The following ZNF185 variants were observed in gnomAD, a reference collection of about 807,000 sequenced individuals.
ZNF185 encodes zinc finger protein 185 with LIM domain.
ZNF185 carries 56 observed loss-of-function variants against 58.6 expected under a neutral mutation model. That is an observed-to-expected ratio of 0.95 (90% CI 0.77 to 1.19). ZNF185 has a LOEUF of 1.19. ZNF185 is among the 50% of genes most tolerant of loss of function. ZNF185 has a pLI of 0.00. For synonymous variants in ZNF185, 230 were observed against 215.9 expected (o/e 1.07, Z -0.57); for missense variants, 627 against 573.5 (o/e 1.09, Z -0.95).
the ZNF185 span, among the ~76,000 whole-genome samples, chrX:152,898,302 G>A: frequency 3.6e-5 from 4 of 112,573 alleles, no homozygotes; most frequent in East Asian, 1.1e-3. Flanking sequence ...CACCCAGTCC[G>A]TGCCCAGCTG....
chrX:152,904,672 G>A, the ZNF185 span, among the ~76,000 whole-genome samples: 1 of 112,108 alleles, frequency 8.9e-6, no homozygotes, highest in Non-Finnish European at 1.9e-5. Flanking sequence ...GGGTGGAGGT[G>A]GTGCTTCCTG....
chrX:152,934,308 G>A (rs999343673), intron 14 of ZNF185, among the ~76,000 whole-genome samples: 28 of 111,895 alleles, frequency 2.5e-4, no homozygotes, highest in Non-Finnish European at 1.9e-5. Context: ...GATGGCTGTC[G>A]CGGAAGAGAC....
chrX:152,900,266 G>A, the ZNF185 span, among the ~76,000 whole-genome samples: 477 of 112,705 alleles, frequency 4.2e-3, 2 homozygotes, highest in African/African-American at 0.015. Context: ...ACTGTCTTCA[G>A]TTGCATGCCA....
At chrX:152,945,309 C>T (rs782792023) in exon 16 of ZNF185, 53 of 1,208,145 alleles carry the variant, frequency 4.4e-5, no homozygotes, top group Middle Eastern at 2.3e-4. Context: ...CCACCAGGGT[C>T]GGAGAGGCCT....
chrX:152,898,127 G>GCCCCGCGCCCCGCT, the ZNF185 span, among the ~76,000 whole-genome samples: 1 of 109,298 alleles, frequency 9.1e-6, no homozygotes, highest in Non-Finnish European at 1.9e-5. Flanking sequence ...CGCGCCCCGC[G>GCCCCGCGCCCCGCT]CCTGCCTCCC....
intron 18 of ZNF185, among the ~76,000 whole-genome samples, chrX:152,964,436 C>T (rs1392739136): frequency 8.9e-6 from 1 of 112,351 alleles, no homozygotes; most frequent in Non-Finnish European, 1.9e-5. Flanking sequence ...TGGTGGAAGC[C>T]GAAGTGGGAG....
At chrX:152,965,200 G>C (rs782469852) in intron 18 of ZNF185, among the ~76,000 whole-genome samples, 1 of 112,469 alleles carries the variant, frequency 8.9e-6, no homozygotes, top group African/African-American at 3.2e-5. Context: ...ACAGCACATT[G>C]TCATTGGTTG....
exon 23 of ZNF185, chrX:152,973,063 A>C (rs1031090933): frequency 9.0e-6 from 1 of 111,446 alleles, no homozygotes; most frequent in Non-Finnish European, 1.9e-5. Context: ...GTAGTCCCCA[A>C]CATCAGACTT....
At chrX:152,973,088 A>G (rs2050740633) in exon 23 of ZNF185, 2 of 111,638 alleles carry the variant, frequency 1.8e-5, no homozygotes, top group Non-Finnish European at 3.8e-5. Flanking sequence ...CGTGGTGGAC[A>G]CTAACACACA....
intron 16 of ZNF185, among the ~76,000 whole-genome samples, chrX:152,951,583 C>T (rs868991390): frequency 1.8e-5 from 2 of 111,050 alleles, no homozygotes; most frequent in Non-Finnish European, 3.8e-5. Flanking sequence ...TATATATACA[C>T]ACACACTTAT....
chrX:152,898,609 C>T, the ZNF185 span, among the ~76,000 whole-genome samples: 1 of 112,412 alleles, frequency 8.9e-6, no homozygotes, highest in Non-Finnish European at 1.9e-5. Context: ...TCCCTCCGTC[C>T]CCCTGTGCCC....
chrX:152,920,975 CTAA>C (rs1939589466), intron 9 of ZNF185, among the ~76,000 whole-genome samples: 1 of 112,746 alleles, frequency 8.9e-6, no homozygotes, highest in South Asian at 3.6e-4. Flanking sequence ...TTGCCAATGG[CTAA>C]TGGGGCTGGG....
upstream of ZNF185, among the ~76,000 whole-genome samples, chrX:152,912,972 C>T (rs952698877): frequency 3.5e-5 from 4 of 113,078 alleles, no homozygotes; most frequent in African/African-American, 1.3e-4. Flanking sequence ...GGTGCCATTC[C>T]TGGCACACAG....
intron 12 of ZNF185, 92 bp from the exon 14 acceptor site, chrX:152,931,580 T>G: frequency 3.8e-6 from 3 of 780,276 alleles, no homozygotes; most frequent in Non-Finnish European, 5.5e-6. Context: ...TTAAGCTCCG[T>G]GGAGACAGCT....
At chrX:152,951,235 C>T (rs1009341226) in intron 16 of ZNF185, among the ~76,000 whole-genome samples, 2 of 110,685 alleles carry the variant, frequency 1.8e-5, no homozygotes, top group South Asian at 3.8e-4. Context: ...GGATTACAGG[C>T]GTGAGCCACT....
rs370621060 is a variant in ZNF185, at chrX:152,917,136, C to T, written c.230C>T (p.Pro77Leu). 1.9e-4 allele frequency: 233 copies of T among 1,209,954 alleles called. No individual in the cohort carries two copies. Among genetic ancestry groups the T allele is most frequent in the Non-Finnish European group, 2.4e-4 (216 of 895,199 alleles). The stretch of plus-strand genomic sequence containing the variant: ...CCCCTTCTTCTCTTCGGCAGGCCTC[C>T]GAGCACAAGGGCTCCCACTGGCTAC... Residue 77 changes from proline (P) to leucine (L), a missense_variant, in exon 4 of 23, where the codon CCG becomes CTG. By Grantham distance (98) the Pro-to-Leu change is moderately conservative. Coordinates refer to ENST00000449285, the Ensembl canonical transcript of ZNF185.
chrX:152,912,370 G>A (rs1481835879), upstream of ZNF185, among the ~76,000 whole-genome samples: 8 of 111,479 alleles, frequency 7.2e-5, no homozygotes, highest in African/African-American at 2.6e-4. Context: ...GGGTCCCTCT[G>A]CCTCTGTCAT....
intron 15 of ZNF185, chrX:152,941,721 G>A (rs2047212662): frequency 2.6e-6 from 3 of 1,164,559 alleles, no homozygotes; most frequent in African/African-American, 3.5e-5. Flanking sequence ...GGCCGCCCGG[G>A]ACGAGCTCGG....
At chrX:152,940,959 C>T (rs2036878908) in intron 15 of ZNF185, among the ~76,000 whole-genome samples, 1 of 111,993 alleles carries the variant, frequency 8.9e-6, no homozygotes, top group Non-Finnish European at 1.9e-5. Context: ...TATATTGAGG[C>T]ATGTCTGACC....
Sources: allele counts gnomAD v4.1 joint callset (sites outside exome capture counted in the v4.1 genomes callset), GRCh38; gene constraint gnomAD v4.1.1; transcripts MANE v1.5; gene names NCBI Gene and HGNC (gene_info 2026-07-23, HGNC 2026-07-21).